The following ABCC5 variants were observed in gnomAD, a reference collection of about 807,000 sequenced individuals.
ABCC5 encodes ATP-binding cassette sub-family C member 5.
ABCC5 carries 61 observed loss-of-function variants against 160.9 expected under a neutral mutation model. The observed-to-expected ratio is 0.38, with a 90% CI of 0.31 to 0.47. The LOEUF (loss-of-function observed/expected upper bound fraction) is 0.47. Ranked by LOEUF, ABCC5 falls within the 20% of genes least tolerant of loss-of-function variation. The pLI is 0.99. For missense variants in ABCC5, 1,308 were observed against 1,813.3 expected, an observed-to-expected ratio of 0.72 and a Z score of 5.06; for synonymous variants, 666 against 700.6, an observed-to-expected ratio of 0.95 and a Z score of 0.78.
intron 10 of ABCC5, among the ~76,000 whole-genome samples, chr3:183,973,725 C>T (rs895861270): frequency 5.3e-5 from 8 of 152,290 alleles, no homozygotes; most frequent in East Asian, 1.9e-4. Context: ...GTGTGGCCCC[C>T]GCTTGCTGAA....
chr3:183,926,498 C>T (rs867884510), intron 28 of ABCC5, among the ~76,000 whole-genome samples: 2 of 151,318 alleles, frequency 1.3e-5, no homozygotes, highest in Admixed American at 6.6e-5. Context: ...TGCAGTGAGC[C>T]GAGATCACAC....
intron 2 of ABCC5, among the ~76,000 whole-genome samples, chr3:184,013,840 T>C (rs1389394664): frequency 6.6e-6 from 1 of 152,128 alleles, no homozygotes; most frequent in Non-Finnish European, 1.5e-5. Context: ...TCAATAACCA[T>C]AAATTCTTAA....
chr3:183,953,339 AG>A (rs1715560737), intron 17 of ABCC5, 69 bp from the exon 18 acceptor site: 1 of 1,432,414 alleles, frequency 7.0e-7, no homozygotes, highest in Non-Finnish European at 9.4e-7. Context: ...AGTCACCTGC[AG>A]AGCAACAGAA....
At chr3:183,971,370 T>G (rs1440465951) in intron 11 of ABCC5, among the ~76,000 whole-genome samples, 193 bp downstream of exon 11, 1 of 152,204 alleles carries the variant, frequency 6.6e-6, no homozygotes, top group East Asian at 1.9e-4. Flanking sequence ...ATAAGATTAG[T>G]TGTTATTCAT....
At chr3:183,974,775 C>A (rs1462813640) in intron 10 of ABCC5, among the ~76,000 whole-genome samples, 1 of 152,174 alleles carries the variant, frequency 6.6e-6, no homozygotes, top group African/African-American at 2.4e-5. Flanking sequence ...GTTATCAAAT[C>A]AATAAATTAC....
intron 20 of ABCC5, among the ~76,000 whole-genome samples, chr3:183,950,903 A>G (rs1715282997): frequency 6.6e-6 from 1 of 152,206 alleles, no homozygotes; most frequent in African/African-American, 2.4e-5. Context: ...TTGTCACTCA[A>G]TAGCTGTAGA....
chr3:183,953,241 G>C lies in ABCC5; in HGVS notation c.2512C>G (p.Gln838Glu). The change falls in exon 18 of 30, where the codon CAG becomes GAG. Residue 838 changes from glutamine (Q) to glutamate (E), a missense_variant. Around this residue, in one of 3 missense-constraint regions of ABCC5, gnomAD observed 1,142 missense variants for 1,527.1 expected, o/e 0.75. Coordinates refer to ENST00000334444, the MANE Select transcript of ABCC5 (RefSeq NM_005688.4). Reference sequence around the variant, plus strand: ...TATACTGACCAGGGCACTGAACCCTGCCCTTTCTCTTCCAGCTGCACAAGC... The same window carrying C: ...TATACTGACCAGGGCACTGAACCCTCCCCTTTCTCTTCCAGCTGCACAAGC... ...GQLVQLEEKG[Q>E]GSVPWSVYGV... The C allele has an allele frequency of 6.2e-7, 1 of 1,611,672 alleles. No homozygotes were observed. Among genetic ancestry groups the C allele is most frequent in the Non-Finnish European group, 8.5e-7 (1 of 1,178,874 alleles).
At chr3:183,971,220 C>T (rs1379721332) in intron 11 of ABCC5, among the ~76,000 whole-genome samples, 1 of 152,218 alleles carries the variant, frequency 6.6e-6, no homozygotes, top group African/African-American at 2.4e-5. Flanking sequence ...CAGCCTAGTG[C>T]ACAAGGGCGC....
intron 26 of ABCC5, among the ~76,000 whole-genome samples, chr3:183,929,566 C>T (rs1227275743): frequency 6.6e-6 from 1 of 151,996 alleles, no homozygotes; most frequent in Non-Finnish European, 1.5e-5. Flanking sequence ...GCTGGCCTGA[C>T]CAGGGAAAGA....
At chr3:183,927,534 G>C in intron 27 of ABCC5, 91 bp from the exon 28 acceptor site, 1 of 1,505,992 alleles carries the variant, frequency 6.6e-7, no homozygotes, top group Non-Finnish European at 8.9e-7. Context: ...TTCTGAAAGC[G>C]ATGAAAGAAC....
intron 17 of ABCC5, 41 bp from the exon 18 acceptor site, chr3:183,953,311 A>C: frequency 6.4e-7 from 1 of 1,551,426 alleles, no homozygotes; most frequent in Non-Finnish European, 8.7e-7. Context: ...GAAGGGAAGA[A>C]CTATTTCCAT....
intron 2 of ABCC5, among the ~76,000 whole-genome samples, chr3:183,999,076 G>A (rs1720528045): frequency 6.9e-6 from 1 of 145,578 alleles, no homozygotes; most frequent in Non-Finnish European, 1.5e-5. Flanking sequence ...TGTGACAGAG[G>A]GAGACTCTGT....
intron 2 of ABCC5, among the ~76,000 whole-genome samples, chr3:184,000,307 C>T (rs980120925): frequency 6.6e-6 from 1 of 152,088 alleles, no homozygotes; most frequent in African/African-American, 2.4e-5. Context: ...CATGCCACTG[C>T]ACTCCAGCCT....
chr3:183,987,918 CTT>C lies in ABCC5; in HGVS notation c.444-3_444-2del. The C allele has an allele frequency of 1.2e-6, 2 of 1,613,958 alleles. No individual in the cohort carries two copies. Among genetic ancestry groups the C allele is most frequent in the Non-Finnish European group, 8.5e-7 (1 of 1,180,008 alleles). On this transcript the variant is annotated splice_acceptor_variant and splice_polypyrimidine_tract_variant and intron_variant, in intron 4 of 29. Coordinates refer to ENST00000334444, the MANE Select transcript of ABCC5 (RefSeq NM_005688.4). LOFTEE classifies it high-confidence loss of function. The surrounding 1 kb of genome is among the most constrained non-coding windows in gnomAD (Gnocchi z 4.2). ...CTCTTCTTGCCACAGTCTCTCTAGTCTTAACAAGGGCACACGTCCTCGTTACA... is the reference window on the plus strand; with the variant it reads ...CTCTTCTTGCCACAGTCTCTCTAGTCAACAAGGGCACACGTCCTCGTTACA...
chr3:183,977,435 C>CT, intron 10 of ABCC5, 82 bp downstream of exon 10: 1 of 1,028,426 alleles, frequency 9.7e-7, no homozygotes, highest in Non-Finnish European at 1.4e-6. Flanking sequence ...TGAGGCCAGC[C>CT]TGGGTGGCCC....
In ABCC5 at chr3:183,951,819, A is replaced by C; in HGVS notation, c.2814+38T>G. On this transcript the variant is annotated intron_variant, in intron 19 of 29. Transcript: ENST00000334444. The surrounding 1 kb of genome is among the most constrained non-coding windows in gnomAD (Gnocchi z 4.7). ...CCACACCAAAGCCTGACCACAGGTC[A>C]CCAGGGAGGAGGGCAGAGACCACCC... 1 of 1,600,054 alleles carries C rather than the reference A, an allele frequency of 6.2e-7. No individual in the cohort carries two copies. The highest frequency in any genetic ancestry group is 8.5e-7 in the Non-Finnish European group (1 of 1,171,622).
intron 27 of ABCC5, 146 bp from the exon 28 acceptor site, chr3:183,927,589 A>C: frequency 7.0e-7 from 1 of 1,429,086 alleles, no homozygotes; most frequent in Non-Finnish European, 9.2e-7. Context: ...GTGCAGGTGT[A>C]CTGATCATGC....
intron 14 of ABCC5, 21 bp downstream of exon 14, chr3:183,965,164 T>C: frequency 6.2e-7 from 1 of 1,613,274 alleles, no homozygotes; most frequent in Non-Finnish European, 8.5e-7. Flanking sequence ...AAATGCCTGG[T>C]CAGGGGCGGA....
chr3:183,961,064 C>T (rs1298932797), intron 16 of ABCC5, among the ~76,000 whole-genome samples: 1 of 152,162 alleles, frequency 6.6e-6, no homozygotes, highest in African/African-American at 2.4e-5. Flanking sequence ...GCTGGGATTA[C>T]CAGCAAGAGC....
Sources: gnomAD v4.1 joint callset for allele counts (sites outside exome capture counted in the v4.1 genomes callset) on GRCh38, gnomAD v4.1.1 for gene constraint, gnomAD v4.1.1 regional missense constraint, Gnocchi (gnomAD v3.1) non-coding constraint, MANE v1.5 for transcripts, NCBI Gene and HGNC (gene_info 2026-07-23, HGNC 2026-07-21) for gene names.